Variants in KCNMB2 observed in about 807,000 individuals in gnomAD.
KCNMB2 encodes the protein calcium-activated potassium channel subunit beta-2.
KCNMB2 carries 9 observed loss-of-function variants against 24.5 expected under a neutral mutation model. The observed-to-expected ratio is 0.37, with a 90% CI of 0.22 to 0.64. The LOEUF is 0.64. Among genes scored for constraint, KCNMB2 ranks in the 30% least tolerant of loss-of-function variants. The pLI is 0.63. For synonymous variants in KCNMB2, 109 were observed against 104.4 expected, an observed-to-expected ratio of 1.04 and a Z score of -0.27; for missense variants, 226 against 284.3, an observed-to-expected ratio of 0.79 and a Z score of 1.47.
At chr3:178,692,512 A>C (rs1430320091) in intron 1 of KCNMB2, among the ~76,000 whole-genome samples, 2 of 152,170 alleles carry the variant, frequency 1.3e-5, no homozygotes, top group African/African-American at 4.8e-5. Flanking sequence ...TCCTTTCCCC[A>C]TTTCTTGTTT....
chr3:178,732,839 G>A (rs946478729), intron 1 of KCNMB2, among the ~76,000 whole-genome samples: 2 of 152,156 alleles, frequency 1.3e-5, no homozygotes, highest in African/African-American at 4.8e-5. Flanking sequence ...AGTACTCGCT[G>A]GCTCAGTGTT....
intron 1 of KCNMB2, among the ~76,000 whole-genome samples, chr3:178,780,513 A>T (rs1712785891): frequency 6.6e-6 from 1 of 152,196 alleles, no homozygotes; most frequent in Non-Finnish European, 1.5e-5. Flanking sequence ...CCATGACATA[A>T]ATGACTTGGT....
At chr3:178,691,609 A>G (rs1213555287) in intron 1 of KCNMB2, among the ~76,000 whole-genome samples, 6 of 152,216 alleles carry the variant, frequency 3.9e-5, no homozygotes, top group African/African-American at 1.2e-4. Context: ...ATGGCTGCAT[A>G]GTATTCCATA....
chr3:178,723,831 A>T (rs1722882855), intron 1 of KCNMB2, among the ~76,000 whole-genome samples: 2 of 152,242 alleles, frequency 1.3e-5, no homozygotes, highest in South Asian at 4.1e-4. Flanking sequence ...CATTCTTTTC[A>T]TGGTTGCATA....
At position 178,665,807 on chromosome 3, in the gene KCNMB2, T is replaced by C. The variant is rs1351247567; in HGVS notation, c.-68+129096T>C. On this transcript the variant is annotated intron_variant, in intron 1 of 4. Transcript: ENST00000452583. ...AATGTGTGAACAAATAAATATGTAA[T>C]ATAATGCCAGGAGAATAATAAATGG... 2.6e-5 allele frequency among the ~76,000 whole-genome samples: 4 copies of C among 152,276 alleles called. No individual in the cohort carries two copies. In the East Asian group the frequency reaches 7.7e-4, roughly 29 times the overall value.
chr3:178,579,410 G>A (rs1717116198), intron 1 of KCNMB2, among the ~76,000 whole-genome samples: 1 of 152,164 alleles, frequency 6.6e-6, no homozygotes, highest in Admixed American at 6.5e-5. Context: ...GCCCACAGGA[G>A]AAAGCAGGAA....
At chr3:178,680,526 AT>A (rs1721232945) in intron 1 of KCNMB2, among the ~76,000 whole-genome samples, 1 of 152,172 alleles carries the variant, frequency 6.6e-6, no homozygotes, top group South Asian at 2.1e-4. Context: ...AACTCTTTAT[AT>A]TACATTTTAC....
intron 1 of KCNMB2, among the ~76,000 whole-genome samples, chr3:178,560,388 T>C (rs1255547070): frequency 6.6e-6 from 1 of 152,212 alleles, no homozygotes; most frequent in Admixed American, 6.5e-5. Context: ...GAGACTTCTA[T>C]CTGGAGGGTA....
At chr3:178,745,819 A>C (rs1723648546) in intron 1 of KCNMB2, among the ~76,000 whole-genome samples, 1 of 152,214 alleles carries the variant, frequency 6.6e-6, no homozygotes, top group Admixed American at 6.5e-5. Context: ...TAAAGTTCCA[A>C]AATAATCTCC....
chr3:178,717,293 T>C (rs1722648891), intron 1 of KCNMB2, among the ~76,000 whole-genome samples: 1 of 152,112 alleles, frequency 6.6e-6, no homozygotes, highest in African/African-American at 2.4e-5. Flanking sequence ...TTCATCCTGC[T>C]TGCACCAAAT....
intron 1 of KCNMB2, among the ~76,000 whole-genome samples, chr3:178,695,631 A>T (rs1445239857): frequency 6.6e-6 from 1 of 152,226 alleles, no homozygotes; most frequent in African/African-American, 2.4e-5. Context: ...AAGCATACCA[A>T]GATTCACCTT....
intron 1 of KCNMB2, among the ~76,000 whole-genome samples, chr3:178,567,365 C>G (rs2108471478): frequency 6.6e-6 from 1 of 152,152 alleles, no homozygotes; most frequent in South Asian, 2.1e-4. Flanking sequence ...ATAGAAATGT[C>G]TAAATGTGGA....
intron 1 of KCNMB2, among the ~76,000 whole-genome samples, chr3:178,742,476 T>C (rs1281431782): frequency 6.6e-6 from 1 of 152,186 alleles, no homozygotes; most frequent in African/African-American, 2.4e-5. Context: ...ATACAACTTA[T>C]AGGAATAATA....
chr3:178,821,316 T>C (rs932336059), intron 2 of KCNMB2, among the ~76,000 whole-genome samples: 3 of 152,170 alleles, frequency 2.0e-5, no homozygotes, highest in African/African-American at 7.2e-5. Flanking sequence ...TATGGCATCA[T>C]GCTCCTTCCA....
At chr3:178,569,697 T>C (rs945767301) in intron 1 of KCNMB2, among the ~76,000 whole-genome samples, 5 of 152,194 alleles carry the variant, frequency 3.3e-5, no homozygotes, top group African/African-American at 1.2e-4. Context: ...CAAAACCACT[T>C]TGTAAACTGT....
At chr3:178,668,633 A>G (rs1720799306) in intron 1 of KCNMB2, among the ~76,000 whole-genome samples, 1 of 152,118 alleles carries the variant, frequency 6.6e-6, no homozygotes, top group Non-Finnish European at 1.5e-5. Flanking sequence ...GGATCTGTGC[A>G]TCGATCTAAT....
intron 1 of KCNMB2, among the ~76,000 whole-genome samples, chr3:178,755,726 G>C (rs915579675): frequency 6.6e-6 from 1 of 152,082 alleles, no homozygotes; most frequent in Admixed American, 6.6e-5. Context: ...TCGGCTATTG[G>C]AAATTTGACA....
At chr3:178,634,512 T>C (rs1265344452) in intron 1 of KCNMB2, among the ~76,000 whole-genome samples, 1 of 152,024 alleles carries the variant, frequency 6.6e-6, no homozygotes, top group Admixed American at 6.5e-5. Context: ...TCAGATATCA[T>C]GAGATATCTG....
At chr3:178,754,175 T>TACAC (rs1396599180) in intron 1 of KCNMB2, among the ~76,000 whole-genome samples, 3 of 83,036 alleles carry the variant, frequency 3.6e-5, no homozygotes, top group Non-Finnish European at 6.8e-5. Flanking sequence ...TATATATATA[T>TACAC]ATACACACAC....
Sources: gnomAD v4.1 joint callset for allele counts (sites outside exome capture counted in the v4.1 genomes callset) on GRCh38, gnomAD v4.1.1 for gene constraint, MANE v1.5 for transcripts, NCBI Gene and HGNC (gene_info 2026-07-23, HGNC 2026-07-21) for gene names.